CYFIP2: variants seen among roughly 807,000 people sequenced by gnomAD.
CYFIP2 encodes the protein cytoplasmic FMR1-interacting protein 2.
A neutral mutation model predicts 158.7 loss-of-function variants in CYFIP2; 29 were observed. That is an observed-to-expected ratio of 0.18 (90% CI 0.14 to 0.25). CYFIP2 has a LOEUF of 0.25. Ranked by LOEUF, CYFIP2 falls within the 10% of genes least tolerant of loss-of-function variation. CYFIP2 has a pLI of 1.00. For synonymous variants in CYFIP2, 585 were observed against 617.6 expected, an observed-to-expected ratio of 0.95 and a Z score of 0.78; for missense variants, 852 against 1,639.5, an observed-to-expected ratio of 0.52 and a Z score of 8.29.
At chr5:157,356,686 G>A (rs1763432708) in intron 23 of CYFIP2, among the ~76,000 whole-genome samples, 1 of 152,162 alleles carries the variant, frequency 6.6e-6, no homozygotes, top group African/African-American at 2.4e-5. Context: ...AATACAGAGT[G>A]GGGCTTTGCT....
chr5:157,366,591 CT>C (rs1764392175), intron 26 of CYFIP2, among the ~76,000 whole-genome samples: 3 of 152,186 alleles, frequency 2.0e-5, no homozygotes, highest in Admixed American at 2.0e-4. Flanking sequence ...GGCACCACTT[CT>C]TGAAAAGACC....
In CYFIP2 at chr5:157,382,671, C is replaced by A; in HGVS notation, c.3112+9C>A. 6.2e-7 allele frequency: 1 copy of A among 1,613,486 alleles called. No individual in the cohort carries two copies. Among genetic ancestry groups the A allele is most frequent in the Non-Finnish European group, 8.5e-7 (1 of 1,179,570 alleles). ...TAGAGTCTACATCAAAGGTAAGAAACCACTACAGCAGCTGAATAGCCAACT... is the reference window on the plus strand; with the variant it reads ...TAGAGTCTACATCAAAGGTAAGAAAACACTACAGCAGCTGAATAGCCAACT... On this transcript the variant is annotated intron_variant, in intron 27 of 30. Transcript: ENST00000620254.
intron 8 of CYFIP2, 102 bp from the exon 9 acceptor site, chr5:157,307,659 G>GTGTGTGTGTA (rs1554110292): frequency 5.4e-5 from 26 of 479,548 alleles, no homozygotes; most frequent in South Asian, 1.3e-4. Flanking sequence ...GTGTGTGTAT[G>GTGTGTGTGTA]TGTGTGTGTG....
chr5:157,278,427 A>G (rs1395241508), intron 1 of CYFIP2, among the ~76,000 whole-genome samples: 1 of 152,206 alleles, frequency 6.6e-6, no homozygotes, highest in East Asian at 1.9e-4. Context: ...GCACCTTTCA[A>G]AAAGGTACAA....
chr5:157,350,079 C>T (rs57327666), intron 23 of CYFIP2, among the ~76,000 whole-genome samples: 3,863 of 152,264 alleles, frequency 0.025, 161 homozygotes, highest in African/African-American at 0.089. Context: ...TGTGGGTTGT[C>T]TGTTTACTCT....
At chr5:157,273,493 A>AGGCAGG in intron 1 of CYFIP2, among the ~76,000 whole-genome samples, 1 of 152,294 alleles carries the variant, frequency 6.6e-6, no homozygotes, top group Non-Finnish European at 1.5e-5. Context: ...AAACCAAAAC[A>AGGCAGG]GGCAGGGGCA....
At chr5:157,342,863 C>T (rs995325867) in intron 23 of CYFIP2, 1 of 1,608,990 alleles carries the variant, frequency 6.2e-7, no homozygotes, top group African/African-American at 1.3e-5. Context: ...TCCCCACTCT[C>T]ATTCCCCACA....
At chr5:157,319,702 G>C in intron 13 of CYFIP2, 60 bp from the exon 14 acceptor site, 1 of 1,590,736 alleles carries the variant, frequency 6.3e-7, no homozygotes, top group Non-Finnish European at 8.6e-7. Context: ...GCGGTGATGG[G>C]TAGTAGACAG....
At chr5:157,364,529 A>C (rs1764187310) in intron 26 of CYFIP2, 1 of 152,312 alleles carries the variant, frequency 6.6e-6, no homozygotes, top group African/African-American at 2.4e-5. Context: ...AACTCACCTG[A>C]GGTCACACAG....
chr5:157,361,289 C>T lies in CYFIP2; in HGVS notation c.2909-179C>T. 2 of 659,830 alleles carry T rather than the reference C, an allele frequency of 3.0e-6. No homozygotes were observed. Among genetic ancestry groups the T allele is most frequent in the Non-Finnish European group, 5.0e-6 (2 of 396,506 alleles). The allele number at this position is 659,830 out of a possible 1,614,324, so 40.9% of individuals were successfully genotyped here. A position where few individuals can be genotyped will look rare whatever the true frequency, so the allele number is the denominator to read the frequency against. ...AAAAGACATGAGCCAGCTACTCGAA[C>T]TTTGTCCAGTACTGAGCCCTGAAAG... is the stretch of plus-strand genomic sequence containing the variant. On this transcript the variant is annotated intron_variant, in intron 25 of 30. Coordinates refer to ENST00000620254, the MANE Select transcript of CYFIP2 (RefSeq NM_001037333.3). This position sits in a 1 kb window ranked among gnomAD's most constrained non-coding sequence, Gnocchi z 4.4.
At chr5:157,281,418 C>T (rs1260613030) in intron 1 of CYFIP2, among the ~76,000 whole-genome samples, 2 of 152,006 alleles carry the variant, frequency 1.3e-5, no homozygotes, top group Non-Finnish European at 2.9e-5. Flanking sequence ...TTCTATAGTT[C>T]GGTTATCTAG....
At chr5:157,303,964 A>G (rs1337503308) in intron 7 of CYFIP2, among the ~76,000 whole-genome samples, 2 of 152,032 alleles carry the variant, frequency 1.3e-5, no homozygotes, top group African/African-American at 4.8e-5. Context: ...TTTTTAGCTC[A>G]GGCCAGGATA....
At chr5:157,377,020 C>T (rs1444161927) in intron 26 of CYFIP2, 1 of 385,346 alleles carries the variant, frequency 2.6e-6, no homozygotes. Flanking sequence ...GGTCCTTTTA[C>T]TCCCGCCCTC....
At chr5:157,279,460 C>T (rs909239334) in intron 1 of CYFIP2, among the ~76,000 whole-genome samples, 3 of 152,234 alleles carry the variant, frequency 2.0e-5, no homozygotes, top group African/African-American at 7.2e-5. Context: ...TCAGAACCTG[C>T]ATTTCCAAAG....
At chr5:157,319,506 C>G (rs893139196) in intron 13 of CYFIP2, among the ~76,000 whole-genome samples, 6 of 152,234 alleles carry the variant, frequency 3.9e-5, no homozygotes, top group African/African-American at 1.4e-4. Context: ...AAATCAGTTG[C>G]ATTGCGAAGA....
chr5:157,280,103 G>A (rs1287669128), intron 1 of CYFIP2, among the ~76,000 whole-genome samples: 4 of 152,178 alleles, frequency 2.6e-5, no homozygotes, highest in Admixed American at 2.0e-4. Context: ...TGCTTTGTAG[G>A]TTGTTCACTT....
chr5:157,271,173 G>A (rs920156681), intron 1 of CYFIP2, among the ~76,000 whole-genome samples: 1 of 152,204 alleles, frequency 6.6e-6, no homozygotes, highest in Non-Finnish European at 1.5e-5. Flanking sequence ...CCATAAGGGA[G>A]TGGAGACAGT....
At chr5:157,320,851 G>A (rs779660651) in intron 15 of CYFIP2, 49 bp downstream of exon 15, 23 of 1,477,060 alleles carry the variant, frequency 1.6e-5, no homozygotes, top group African/African-American at 7.1e-5. Flanking sequence ...GAGGCCAGCC[G>A]GGCTATGGTA....
intron 1 of CYFIP2, chr5:157,277,313 G>A (rs1202137277): frequency 1.3e-5 from 2 of 152,392 alleles, no homozygotes; most frequent in Non-Finnish European, 2.9e-5. Context: ...TTACAGGCAT[G>A]AGCCACTGAG....
Sources: allele counts gnomAD v4.1 joint callset (sites outside exome capture counted in the v4.1 genomes callset), GRCh38; gene constraint gnomAD v4.1.1; non-coding constraint Gnocchi (gnomAD v3.1); transcripts MANE v1.5; gene names NCBI Gene and HGNC (gene_info 2026-07-23, HGNC 2026-07-21).